PLCG2: variants seen among roughly 807,000 people sequenced by gnomAD.
PLCG2 encodes the protein 1-phosphatidylinositol 4,5-bisphosphate phosphodiesterase gamma-2.
A neutral mutation model predicts 175.6 loss-of-function variants in PLCG2; 69 were observed. The ratio of observed to expected loss-of-function variants is 0.39; its 90% CI spans 0.32 to 0.48. The LOEUF is 0.48. Ranked by LOEUF, PLCG2 falls within the 20% of genes least tolerant of loss-of-function variation. The pLI, the probability that PLCG2 is intolerant of heterozygous loss-of-function variation, is 0.91. For synonymous variants in PLCG2, 827 were observed against 624.0 expected, an observed-to-expected ratio of 1.33 and a Z score of -4.85; for missense variants, 1,798 against 1,650.9, an observed-to-expected ratio of 1.09 and a Z score of -1.54.
intron 4 of PLCG2, 73 bp from the exon 5 acceptor site, chr16:81,859,043 A>C: frequency 6.7e-6 from 6 of 900,576 alleles, no homozygotes; most frequent in South Asian, 2.7e-5. Context: ...CACATTCCGT[A>C]GGACTCACTT....
rs1909674487 is a variant in PLCG2, at chr16:81,912,578, C to T, written c.1935-19C>T. 6.3e-7 allele frequency: 1 copy of T among 1,595,458 alleles called. No homozygotes were observed. The highest frequency in any genetic ancestry group is 8.5e-7 in the Non-Finnish European group (1 of 1,170,158). On this transcript the variant is annotated intron_variant, in intron 18 of 32. Transcript: ENST00000564138. ...TGGAGACCGCTCACCTGGTCGTTTT[C>T]CCTGGCCCTGTGCCGCAGGTGGTAC...
chr16:81,883,146 T>A, intron 8 of PLCG2, 123 bp from the exon 9 acceptor site: 1 of 772,478 alleles, frequency 1.3e-6, no homozygotes, highest in South Asian at 1.5e-5. Context: ...ACCTGGTACC[T>A]AACACAGTGC....
chr16:81,853,461 A>C (rs1036399526), intron 2 of PLCG2, among the ~76,000 whole-genome samples: 1 of 152,108 alleles, frequency 6.6e-6, no homozygotes, highest in African/African-American at 2.4e-5. Flanking sequence ...CAGTTTTTCC[A>C]CAGATGGTGG....
rs572874925 is a variant in PLCG2 at position 81,877,261 on chromosome 16, T to C, written c.649-3649T>C. On this transcript the variant is annotated intron_variant, in intron 7 of 32. Coordinates refer to ENST00000564138, the MANE Select transcript of PLCG2 (RefSeq NM_002661.5). The stretch of plus-strand genomic sequence containing the variant: ...CGAGGTCAGGAGATCGAGACCATCC[T>C]GGCTGACACGGTGAAACCCTGTCTC... Among the ~76,000 whole-genome samples the C allele has an allele frequency of 5.3e-3, 802 of 152,314 alleles. 7 individuals carry two copies. Among genetic ancestry groups the C allele is most frequent in the African/African-American group, 0.018 (757 of 41,570 alleles).
intron 1 of PLCG2, among the ~76,000 whole-genome samples, chr16:81,755,370 ATT>A (rs35525388): frequency 9.5e-5 from 13 of 136,888 alleles, no homozygotes; most frequent in African/African-American, 1.1e-4. Flanking sequence ...CTAATTTTGT[ATT>A]TTTTTTTTTT....
intron 2 of PLCG2, among the ~76,000 whole-genome samples, chr16:81,847,357 A>G (rs11644053): frequency 0.23 from 34,256 of 152,082 alleles, 4,029 homozygotes; most frequent in Middle Eastern, 0.3. Context: ...GCCTAATTAC[A>G]AAGGCATGAT....
chr16:81,928,718 G>C (rs528171433), intron 24 of PLCG2, 94 bp downstream of exon 24: 18 of 828,590 alleles, frequency 2.2e-5, no homozygotes, highest in Non-Finnish European at 3.6e-5. Context: ...GCTGACACAG[G>C]GTCCTGTCTT....
upstream of PLCG2, among the ~76,000 whole-genome samples, chr16:81,777,167 C>T (rs1910429664): frequency 6.6e-6 from 1 of 151,994 alleles, no homozygotes; most frequent in Admixed American, 6.6e-5. Context: ...GCTTGCTTCC[C>T]ACAGATGAGA....
intron 18 of PLCG2, 145 bp from the exon 19 acceptor site, chr16:81,912,451 TG>T: frequency 1.1e-6 from 1 of 950,000 alleles, no homozygotes; most frequent in Non-Finnish European, 1.5e-6. Flanking sequence ...TGCCTTTGTC[TG>T]GGGAAGCCCA....
intron 5 of PLCG2, among the ~76,000 whole-genome samples, chr16:81,860,758 C>T (rs1048924595): frequency 6.6e-6 from 1 of 152,066 alleles, no homozygotes; most frequent in Non-Finnish European, 1.5e-5. Context: ...ATTGCCTGAG[C>T]TCAGGAGTTC....
intron 2 of PLCG2, among the ~76,000 whole-genome samples, chr16:81,802,760 G>A (rs1349618735): frequency 6.6e-6 from 1 of 151,894 alleles, no homozygotes; most frequent in Non-Finnish European, 1.5e-5. Context: ...TAGTAGGGAC[G>A]GCATTTCATC....
intron 1 of PLCG2, among the ~76,000 whole-genome samples, chr16:81,746,797 C>A (rs1909716157): frequency 3.9e-5 from 6 of 152,202 alleles, no homozygotes; most frequent in Admixed American, 3.9e-4. Flanking sequence ...GCCTGACACA[C>A]CTTCATTGCC....
intron 2 of PLCG2, among the ~76,000 whole-genome samples, chr16:81,795,232 G>T (rs1911414306): frequency 6.6e-6 from 1 of 152,140 alleles, no homozygotes; most frequent in Admixed American, 6.5e-5. Context: ...TAGACGCTAG[G>T]AAGGAAAGGA....
At chr16:81,954,721 T>G (rs1911498529) in intron 31 of PLCG2, among the ~76,000 whole-genome samples, 1 of 152,242 alleles carries the variant, frequency 6.6e-6, no homozygotes, top group Non-Finnish European at 1.5e-5. Flanking sequence ...TACCACATTT[T>G]CTTTATCTAG....
chr16:81,792,597 T>C (rs1911289808), intron 2 of PLCG2, among the ~76,000 whole-genome samples: 1 of 151,194 alleles, frequency 6.6e-6, no homozygotes, highest in Non-Finnish European at 1.5e-5. Context: ...ACACACAATA[T>C]GGCTGGGGAG....
intron 32 of PLCG2, among the ~76,000 whole-genome samples, chr16:81,957,154 C>T (rs1911606980): frequency 6.6e-6 from 1 of 152,262 alleles, no homozygotes; most frequent in East Asian, 1.9e-4. Context: ...CAAAAATTAG[C>T]TGGGCATGGT....
At chr16:81,871,046 C>A in intron 7 of PLCG2, 111 bp downstream of exon 7, 2 of 575,592 alleles carry the variant, frequency 3.5e-6, no homozygotes, top group South Asian at 2.4e-5. Flanking sequence ...CCATTTTAGT[C>A]AAGGAAACAT....
intron 2 of PLCG2, among the ~76,000 whole-genome samples, chr16:81,809,654 G>C (rs1008690532): frequency 6.6e-6 from 1 of 152,082 alleles, no homozygotes; most frequent in Non-Finnish European, 1.5e-5. Context: ...GGGCCACCCT[G>C]GGACTTGCTG....
intron 25 of PLCG2, among the ~76,000 whole-genome samples, chr16:81,932,378 C>T (rs1000562941): frequency 6.6e-5 from 10 of 152,168 alleles, no homozygotes; most frequent in East Asian, 1.9e-4. Context: ...TATATCAGAG[C>T]GACATGGGAA....
Sources: allele counts gnomAD v4.1 joint callset (sites outside exome capture counted in the v4.1 genomes callset), GRCh38; gene constraint gnomAD v4.1.1; transcripts MANE v1.5; gene names NCBI Gene and HGNC (gene_info 2026-07-23, HGNC 2026-07-21).